Variants in TTYH3 observed in about 807,000 individuals in gnomAD.
TTYH3 encodes the protein tweety family member 3, also known as protein tweety homolog 3.
Under a neutral mutation model 68.2 loss-of-function variants are expected in TTYH3, and 23 were observed. The observed-to-expected ratio is 0.34, with a 90% CI of 0.24 to 0.48. The LOEUF (loss-of-function observed/expected upper bound fraction) is 0.48. Ranked by LOEUF, TTYH3 falls within the 20% of genes least tolerant of loss-of-function variation. The probability of loss-of-function intolerance (pLI) is 0.99; values close to 1 mark genes in which losing one functional copy is unlikely to be tolerated. For synonymous variants in TTYH3, 360 were observed against 332.8 expected (o/e 1.08, Z -0.89); for missense variants, 768 against 727.7 (o/e 1.06, Z -0.64).
At position 2,635,668 on chromosome 7, in the gene TTYH3, C is replaced by T. The variant is rs368981269; in HGVS notation, c.123+3390C>T. 4.6e-5 allele frequency among the ~76,000 whole-genome samples: 7 copies of T among 152,210 alleles called. No homozygotes were observed. In the East Asian group the frequency reaches 1.2e-3, roughly 25 times the overall value. The stretch of plus-strand genomic sequence containing the variant: ...CAATCAGAGGGTTAGGATTTGCCTG[C>T]TCATTTCTGACTCCTCCATGGGCCG... On this transcript the variant is annotated intron_variant, in intron 1 of 13. Coordinates refer to ENST00000258796, the MANE Select transcript of TTYH3 (RefSeq NM_025250.3).
chr7:2,633,590 C>T (rs936974522), intron 1 of TTYH3, among the ~76,000 whole-genome samples: 1 of 152,204 alleles, frequency 6.6e-6, no homozygotes. Flanking sequence ...CCTGGGGGAC[C>T]GTTCAGTGTG....
chr7:2,656,321 G>C (rs1297327707), intron 10 of TTYH3, 77 bp from the exon 11 acceptor site: 1 of 1,576,838 alleles, frequency 6.3e-7, no homozygotes, highest in African/African-American at 1.3e-5. Flanking sequence ...AGGCCGCCGT[G>C]GCTGGGCTGA....
intron 4 of TTYH3, 24 bp downstream of exon 4, chr7:2,647,662 C>T: frequency 6.5e-7 from 1 of 1,537,724 alleles, no homozygotes; most frequent in Non-Finnish European, 8.8e-7. Context: ...CTCTTCCCTG[C>T]CCGCCCCACG....
At chr7:2,640,285 G>A (rs1465694229) in intron 1 of TTYH3, among the ~76,000 whole-genome samples, 5 of 152,214 alleles carry the variant, frequency 3.3e-5, no homozygotes, top group African/African-American at 4.8e-5. Context: ...GCCCAGCCAC[G>A]CGCCACGGTA....
chr7:2,644,586 T>TG (rs1785933246), intron 1 of TTYH3, among the ~76,000 whole-genome samples: 1 of 151,834 alleles, frequency 6.6e-6, no homozygotes, highest in Non-Finnish European at 1.5e-5. Context: ...CCCTGGAGGG[T>TG]GGGGGTGCAG....
At chr7:2,640,924 G>A (rs2114977445) in intron 1 of TTYH3, among the ~76,000 whole-genome samples, 1 of 152,376 alleles carries the variant, frequency 6.6e-6, no homozygotes, top group Non-Finnish European at 1.5e-5. Context: ...AGCCAGCCGA[G>A]GTTCACACAG....
chr7:2,642,088 C>T (rs1230893611), intron 1 of TTYH3, among the ~76,000 whole-genome samples: 1 of 152,230 alleles, frequency 6.6e-6, no homozygotes, highest in Middle Eastern at 3.2e-3. Flanking sequence ...TGGCCCCATC[C>T]AGGCAAGAAC....
chr7:2,660,643 C>T, intron 13 of TTYH3: 1 of 823,284 alleles, frequency 1.2e-6, no homozygotes, highest in Non-Finnish European at 1.5e-6. Context: ...TCCCCCCACC[C>T]CCTCCGTGGC....
intron 11 of TTYH3, among the ~76,000 whole-genome samples, 199 bp downstream of exon 11, chr7:2,656,733 G>A (rs1321859098): frequency 6.6e-6 from 1 of 152,212 alleles, no homozygotes; most frequent in Non-Finnish European, 1.5e-5. Flanking sequence ...CATTTCACAG[G>A]AGGAAAACAG....
At chr7:2,649,697 C>T (rs890649274) in intron 6 of TTYH3, 58 bp downstream of exon 6, 13 of 1,549,048 alleles carry the variant, frequency 8.4e-6, no homozygotes, top group African/African-American at 1.4e-5. Flanking sequence ...GGGGGAGGGA[C>T]GAGGGGAAGC....
At chr7:2,652,696 G>C (rs1033706512) in intron 8 of TTYH3, 2 of 582,032 alleles carry the variant, frequency 3.4e-6, no homozygotes, top group Admixed American at 3.0e-5. Flanking sequence ...TTGCTTGCTG[G>C]TGTGGGTGCG....
chr7:2,646,360 G>A (rs868433204), intron 1 of TTYH3, among the ~76,000 whole-genome samples: 2 of 152,238 alleles, frequency 1.3e-5, no homozygotes, highest in African/African-American at 4.8e-5. Flanking sequence ...TCGGAGAGGT[G>A]GAGGGACCTC....
chr7:2,645,942 C>G lies in TTYH3; in HGVS notation c.124-911C>G. The G allele has an allele frequency of 2.2e-6, 1 of 447,488 alleles. No individual in the cohort carries two copies. Among genetic ancestry groups the G allele is most frequent in the Non-Finnish European group, 4.7e-6 (1 of 214,666 alleles). The allele number at this position is 447,488 out of a possible 1,614,324, so 27.7% of individuals were successfully genotyped here. On this transcript the variant is annotated intron_variant, in intron 1 of 13. Transcript: ENST00000258796. This position sits in a 1 kb window ranked among gnomAD's most constrained non-coding sequence, Gnocchi z 4.8. ...GGGCTCTGGGGTCCTGGGGCTGTCTCGGGCTGGGGGTGAGGACAGTAGCTG... is the reference window on the plus strand; with the variant it reads ...GGGCTCTGGGGTCCTGGGGCTGTCTGGGGCTGGGGGTGAGGACAGTAGCTG...
intron 1 of TTYH3, among the ~76,000 whole-genome samples, chr7:2,641,217 T>C (rs987134992): frequency 1.3e-5 from 2 of 152,170 alleles, no homozygotes; most frequent in Admixed American, 6.5e-5. Context: ...CAACCTGATC[T>C]GGGACAGAGT....
chr7:2,650,115 G>A, intron 7 of TTYH3, 127 bp downstream of exon 7: 1 of 891,924 alleles, frequency 1.1e-6, no homozygotes, highest in Non-Finnish European at 1.7e-6. Flanking sequence ...ACAGGTCCCA[G>A]GCCAAGATGC....
At chr7:2,661,580 C>T (rs1369390879) in intron 13 of TTYH3, 88 bp from the exon 14 acceptor site, 2 of 1,331,218 alleles carry the variant, frequency 1.5e-6, no homozygotes, top group Non-Finnish European at 2.1e-6. Context: ...GCTGTTGGCT[C>T]AGCCAAGTGA....
chr7:2,644,192 C>T (rs1020272200), intron 1 of TTYH3, among the ~76,000 whole-genome samples: 6 of 152,146 alleles, frequency 3.9e-5, no homozygotes, highest in Non-Finnish European at 8.8e-5. Flanking sequence ...TGGTCAGCTG[C>T]CCCTACAGGT....
rs557442412 is a variant in TTYH3, at chr7:2,633,335, C to G, written c.123+1057C>G. 9.2e-5 allele frequency among the ~76,000 whole-genome samples: 14 copies of G among 152,260 alleles called. No homozygotes were observed. The South Asian group carries it at 2.7e-3, about 29-fold the overall frequency. On this transcript the variant is annotated intron_variant, in intron 1 of 13. Coordinates refer to ENST00000258796, the MANE Select transcript of TTYH3 (RefSeq NM_025250.3). ...AGCCTAGCACCTGGACTCTTCAGAA[C>G]TGCGTTGTCTGTGGCCTCCCGCATC...
intron 9 of TTYH3, among the ~76,000 whole-genome samples, chr7:2,654,443 A>G (rs1251218296): frequency 6.6e-6 from 1 of 151,276 alleles, no homozygotes; most frequent in African/African-American, 2.4e-5. Context: ...TAACATATAT[A>G]CACACACATA....
Sources: allele counts gnomAD v4.1 joint callset (sites outside exome capture counted in the v4.1 genomes callset), GRCh38; gene constraint gnomAD v4.1.1; non-coding constraint Gnocchi (gnomAD v3.1); transcripts MANE v1.5; gene names NCBI Gene and HGNC (gene_info 2026-07-23, HGNC 2026-07-21).